Variants in SIL1 observed in about 807,000 individuals in gnomAD.
SIL1 encodes SIL1 nucleotide exchange factor.
SIL1 carries 40 observed loss-of-function variants against 49.1 expected under a neutral mutation model. The ratio of observed to expected loss-of-function variants is 0.81; its 90% CI spans 0.63 to 1.06. SIL1 has a LOEUF of 1.06. Ranked by LOEUF, SIL1 falls within the 50% of genes least tolerant of loss-of-function variation. The pLI is 0.00. For missense variants in SIL1, 500 were observed against 572.6 expected (o/e 0.87, Z 1.29); for synonymous variants, 253 against 250.8 (o/e 1.01, Z -0.08).
At chr5:139,128,527 T>C (rs1017181191) in intron 1 of SIL1, among the ~76,000 whole-genome samples, 2 of 151,918 alleles carry the variant, frequency 1.3e-5, no homozygotes, top group African/African-American at 4.8e-5. Flanking sequence ...TGTGAGCCTG[T>C]AGTCCCAACT....
intron 1 of SIL1, among the ~76,000 whole-genome samples, chr5:139,143,304 T>TACAC (rs1351115706): frequency 2.6e-4 from 19 of 73,004 alleles, no homozygotes; most frequent in Admixed American, 7.1e-4. Context: ...TATATACATA[T>TACAC]ATACACACAC....
At chr5:139,059,978 T>G (rs1769548417) in intron 3 of SIL1, among the ~76,000 whole-genome samples, 1 of 152,236 alleles carries the variant, frequency 6.6e-6, no homozygotes, top group Non-Finnish European at 1.5e-5. Flanking sequence ...CCAAACTAGA[T>G]TACAGCATGT....
At position 139,003,054 on chromosome 5, in the gene SIL1, C is replaced by G. The variant is rs1768023117; in HGVS notation, c.767+18117G>C. On this transcript the variant is annotated intron_variant, in intron 7 of 9. Transcript: ENST00000394817. ...AAACAATAACAAGGTTCTGAGTGCT[C>G]AGTGAGTTGGGGGACAGCAGCCCAA... Among the ~76,000 whole-genome samples, 6 of 152,208 alleles carry G rather than the reference C, an allele frequency of 3.9e-5. No homozygotes were observed. In the South Asian group the frequency reaches 1.2e-3, roughly 32 times the overall value.
At chr5:139,106,096 A>G (rs1285638007) in intron 3 of SIL1, among the ~76,000 whole-genome samples, 1 of 152,208 alleles carries the variant, frequency 6.6e-6, no homozygotes, top group Non-Finnish European at 1.5e-5. Context: ...CCAGGAGAGG[A>G]GAAGCCAGTT....
At chr5:139,164,116 CAA>C (rs397999400) in intron 1 of SIL1, among the ~76,000 whole-genome samples, 11 of 114,652 alleles carry the variant, frequency 9.6e-5, no homozygotes, top group Admixed American at 1.9e-4. Context: ...GAGAATGTCT[CAA>C]AAAAAAAAAA....
chr5:138,946,887 G>T lies in SIL1; in HGVS notation c.*230C>A, dbSNP rs1766640431. ...TGGAGCCTGTTCCTGGATGCCCTGG[G>T]CTGAGCCCTGCACGTCAGCAGAGCC... is the stretch of plus-strand genomic sequence containing the variant. On this transcript the variant is annotated 3_prime_UTR_variant, in exon 10 of 10. Coordinates refer to ENST00000394817, the MANE Select transcript of SIL1 (RefSeq NM_022464.5). 2 of 575,296 alleles carry T rather than the reference G, an allele frequency of 3.5e-6. No individual in the cohort carries two copies. The highest frequency in any genetic ancestry group is 5.9e-5 in the East Asian group (2 of 33,694). The allele number at this position is 575,296 out of a possible 1,614,324, so 35.6% of individuals were successfully genotyped here.
chr5:138,998,975 G>C (rs1034499671), intron 7 of SIL1, among the ~76,000 whole-genome samples: 1 of 149,584 alleles, frequency 6.7e-6, no homozygotes, highest in Non-Finnish European at 1.5e-5. Context: ...TCCTGCCTCA[G>C]CCTTCGGAGT....
chr5:139,008,966 TG>T (rs1448158403), intron 7 of SIL1, among the ~76,000 whole-genome samples: 1 of 151,280 alleles, frequency 6.6e-6, no homozygotes, highest in Non-Finnish European at 1.5e-5. Flanking sequence ...GTTCTGTAGA[TG>T]TCTATTAGGT....
intron 1 of SIL1, among the ~76,000 whole-genome samples, chr5:139,193,553 G>A (rs1752213344): frequency 6.6e-6 from 1 of 152,170 alleles, no homozygotes; most frequent in Non-Finnish European, 1.5e-5. Flanking sequence ...GGGCGACAGA[G>A]TGAGACTCCC....
chr5:139,002,701 C>A (rs1768014061), intron 7 of SIL1, among the ~76,000 whole-genome samples: 1 of 152,180 alleles, frequency 6.6e-6, no homozygotes, highest in African/African-American at 2.4e-5. Context: ...TGAATCAAAT[C>A]AACTTTGCCC....
intron 7 of SIL1, among the ~76,000 whole-genome samples, chr5:138,958,790 A>G (rs1056518555): frequency 3.9e-5 from 6 of 151,936 alleles, no homozygotes; most frequent in Admixed American, 2.0e-4. Flanking sequence ...GGGATGTTCA[A>G]CCTGTACCAT....
intron 9 of SIL1, among the ~76,000 whole-genome samples, chr5:138,949,654 G>A (rs759482382): frequency 4.0e-5 from 6 of 151,736 alleles, no homozygotes; most frequent in Admixed American, 2.0e-4. Context: ...TACAAAAAAC[G>A]AACAAAATTA....
chr5:139,187,329 C>A (rs1360484701), intron 1 of SIL1, among the ~76,000 whole-genome samples: 4 of 152,058 alleles, frequency 2.6e-5, no homozygotes, highest in Non-Finnish European at 5.9e-5. Context: ...CCAGCCTGGC[C>A]AACACGGTGA....
At chr5:139,161,831 G>C (rs562425600) in intron 1 of SIL1, among the ~76,000 whole-genome samples, 1 of 151,988 alleles carries the variant, frequency 6.6e-6, no homozygotes, top group African/African-American at 2.4e-5. Context: ...TGGGCAACAT[G>C]GCAAAACCCC....
intron 7 of SIL1, among the ~76,000 whole-genome samples, chr5:138,953,779 A>G (rs966354534): frequency 3.3e-5 from 5 of 152,198 alleles, no homozygotes; most frequent in Admixed American, 1.3e-4. Flanking sequence ...ACGCTCACCC[A>G]TGACAGGAGG....
intron 7 of SIL1, among the ~76,000 whole-genome samples, chr5:139,013,220 A>G (rs1459808953): frequency 1.3e-5 from 2 of 152,208 alleles, no homozygotes; most frequent in African/African-American, 4.8e-5. Flanking sequence ...TCAAATTCAG[A>G]TTAGATTTTC....
At chr5:139,005,417 T>A (rs1009195031) in intron 7 of SIL1, among the ~76,000 whole-genome samples, 1 of 151,248 alleles carries the variant, frequency 6.6e-6, no homozygotes, top group Non-Finnish European at 1.5e-5. Context: ...CTATAATTTT[T>A]TAAATTTTTA....
chr5:139,186,192 T>G (rs1752075042), intron 1 of SIL1, among the ~76,000 whole-genome samples: 1 of 152,180 alleles, frequency 6.6e-6, no homozygotes, highest in Non-Finnish European at 1.5e-5. Flanking sequence ...AAAAGTTGCT[T>G]TTCATAGCCC....
At chr5:139,022,532 T>C (rs959809595) in intron 6 of SIL1, 4 of 152,236 alleles carry the variant, frequency 2.6e-5, no homozygotes, top group African/African-American at 9.6e-5. Flanking sequence ...AGGTGTTCAA[T>C]GAATAACTGT....
Sources: allele counts gnomAD v4.1 joint callset (sites outside exome capture counted in the v4.1 genomes callset), GRCh38; gene constraint gnomAD v4.1.1; transcripts MANE v1.5; gene names NCBI Gene and HGNC (gene_info 2026-07-23, HGNC 2026-07-21).